TNNI3K: variants seen among roughly 807,000 people sequenced by gnomAD.
TNNI3K encodes the protein serine/threonine-protein kinase TNNI3K.
In TNNI3K, 140 loss-of-function variants were observed where a neutral mutation model predicts 114.5. That is an observed-to-expected ratio of 1.22 (90% CI 1.07 to 1.41). The LOEUF (loss-of-function observed/expected upper bound fraction) is 1.41, where lower values mean the gene tolerates loss of function less well. TNNI3K is among the 40% of genes most tolerant of loss of function. The pLI is 0.00. For synonymous variants in TNNI3K, 347 were observed against 347.5 expected (o/e 1.00, Z 0.02); for missense variants, 1,125 against 1,007.6 (o/e 1.12, Z -1.58).
chr1:74,290,073 T>G (rs1657584730), intron 5 of TNNI3K, among the ~76,000 whole-genome samples: 1 of 151,814 alleles, frequency 6.6e-6, no homozygotes. Flanking sequence ...AAACCTCCTG[T>G]GAATGAGGCA....
At chr1:74,394,171 C>T (rs1346795088) in intron 17 of TNNI3K, among the ~76,000 whole-genome samples, 2 of 152,102 alleles carry the variant, frequency 1.3e-5, no homozygotes, top group African/African-American at 2.4e-5. Context: ...ATGGGAAAAC[C>T]TCCTCTTATG....
chr1:74,274,906 T>C (rs1656580258), intron 5 of TNNI3K, among the ~76,000 whole-genome samples: 1 of 152,140 alleles, frequency 6.6e-6, no homozygotes, highest in Non-Finnish European at 1.5e-5. Context: ...ATATCTTATG[T>C]AATTTATTGA....
chr1:74,287,968 CAAG>C (rs1414646197), intron 5 of TNNI3K, among the ~76,000 whole-genome samples: 1 of 151,688 alleles, frequency 6.6e-6, no homozygotes, highest in African/African-American at 2.4e-5. Flanking sequence ...TACAAATCGC[CAAG>C]AAGTATATGA....
chr1:74,378,447 A>T (rs1663016594), intron 17 of TNNI3K, among the ~76,000 whole-genome samples: 1 of 151,306 alleles, frequency 6.6e-6, no homozygotes, highest in African/African-American at 2.4e-5. Flanking sequence ...GATGTTACTC[A>T]GGACCCATCT....
chr1:74,454,712 C>G (rs1293248736), intron 20 of TNNI3K, among the ~76,000 whole-genome samples: 5 of 152,038 alleles, frequency 3.3e-5, no homozygotes, highest in Non-Finnish European at 7.4e-5. Flanking sequence ...ATACTGATTT[C>G]TTTTCTTTTG....
chr1:74,411,174 A>G (rs1664861399), intron 17 of TNNI3K, among the ~76,000 whole-genome samples: 1 of 152,132 alleles, frequency 6.6e-6, no homozygotes. Context: ...GTAGATTTTT[A>G]TATTTGAAGA....
At position 74,501,470 on chromosome 1, in the gene TNNI3K, T is replaced by C. The variant is rs112982833; in HGVS notation, c.2351+9204T>C. Among the ~76,000 whole-genome samples, 221 of 143,982 alleles carry C rather than the reference T, an allele frequency of 1.5e-3. 2 individuals carry two copies. The highest frequency in any genetic ancestry group is 5.3e-3 in the African/African-American group (207 of 39,272). The allele number at this position is 143,982 out of a possible 152,430, so 94.5% of individuals were successfully genotyped here. On this transcript the variant is annotated intron_variant, in intron 23 of 24. Coordinates refer to ENST00000326637, the MANE Select transcript of TNNI3K (RefSeq NM_015978.3). ...ACTTCAACTTGGAGGGTTTTTTTTG[T>C]TTTGTGTTTGTTTGTTTGTTTGTTT... is the stretch of plus-strand genomic sequence containing the variant.
At chr1:74,483,698 TCTGCAAC>T (rs1037273789) in intron 21 of TNNI3K, among the ~76,000 whole-genome samples, 13 of 152,204 alleles carry the variant, frequency 8.5e-5, no homozygotes, top group African/African-American at 2.4e-4. Context: ...TTCTTTTAAT[TCTGCAAC>T]CCAATTGGAG....
intron 21 of TNNI3K, among the ~76,000 whole-genome samples, chr1:74,477,204 C>T (rs977012355): frequency 1.3e-5 from 2 of 152,170 alleles, no homozygotes; most frequent in Admixed American, 6.5e-5. Flanking sequence ...CACTCTTTAA[C>T]TCATATGGGT....
chr1:74,249,705 C>G (rs1654811771), intron 3 of TNNI3K, among the ~76,000 whole-genome samples, 161 bp downstream of exon 3: 1 of 152,198 alleles, frequency 6.6e-6, no homozygotes. Flanking sequence ...CAGTAACTAT[C>G]AGGCAGAATA....
intron 17 of TNNI3K, among the ~76,000 whole-genome samples, chr1:74,415,007 G>A (rs2100620312): frequency 6.6e-6 from 1 of 152,234 alleles, no homozygotes; most frequent in Non-Finnish European, 1.5e-5. Context: ...AAATACAATT[G>A]TCTAGAAGGC....
intron 21 of TNNI3K, chr1:74,470,358 A>G (rs1667863325): frequency 5.0e-6 from 2 of 400,412 alleles, no homozygotes; most frequent in African/African-American, 4.1e-5. Flanking sequence ...TCTTGCTTTC[A>G]TCAAGCATAT....
chr1:74,540,976 G>T (rs1015490409), intron 24 of TNNI3K, among the ~76,000 whole-genome samples: 2 of 152,140 alleles, frequency 1.3e-5, no homozygotes, highest in Non-Finnish European at 2.9e-5. Flanking sequence ...CATCAGCTGC[G>T]ATATCAATGT....
chr1:74,278,665 G>A (rs1656824447), intron 5 of TNNI3K, among the ~76,000 whole-genome samples: 1 of 152,046 alleles, frequency 6.6e-6, no homozygotes, highest in South Asian at 2.1e-4. Context: ...ATGGTTTTTA[G>A]TATAGTTGCA....
intron 20 of TNNI3K, among the ~76,000 whole-genome samples, chr1:74,456,626 T>C (rs1210584626): frequency 6.6e-6 from 1 of 152,184 alleles, no homozygotes; most frequent in Admixed American, 6.5e-5. Flanking sequence ...TTTCAAATTA[T>C]AGTCTGGGCC....
At chr1:74,455,223 A>G (rs537741838) in intron 20 of TNNI3K, among the ~76,000 whole-genome samples, 18 of 152,314 alleles carry the variant, frequency 1.2e-4, no homozygotes, top group African/African-American at 4.3e-4. Flanking sequence ...GATATCAGGG[A>G]AGGATTCTTA....
At chr1:74,475,493 C>G in intron 21 of TNNI3K, 1 of 716,908 alleles carries the variant, frequency 1.4e-6, no homozygotes, top group Non-Finnish European at 2.6e-6. Flanking sequence ...CTGCCTACCC[C>G]ACGGTCTTTC....
chr1:74,536,709 A>G (rs572545671), intron 23 of TNNI3K, among the ~76,000 whole-genome samples: 3 of 152,306 alleles, frequency 2.0e-5, no homozygotes, highest in East Asian at 3.9e-4. Flanking sequence ...ATATATGGCT[A>G]TCTATGATAT....
chr1:74,271,611 T>C lies in TNNI3K; in HGVS notation c.347T>C (p.Leu116Ser). 1 of 1,604,702 alleles carries C rather than the reference T, an allele frequency of 6.2e-7. No homozygotes were observed. The highest frequency in any genetic ancestry group is 8.5e-7 in the Non-Finnish European group (1 of 1,174,924). ...GTTTCCTTACAGGATAATGCAGAATTGATCACTTCTCTGCTTCACAGTGGA... is the reference window on the plus strand; with the variant it reads ...GTTTCCTTACAGGATAATGCAGAATCGATCACTTCTCTGCTTCACAGTGGA... ...HLAVYKDNAE[L>S]ITSLLHSGAD... The change falls in exon 5 of 25, where the codon TTG becomes TCG. Residue 116 changes from leucine (L) to serine (S), a missense_variant. Leu to Ser is a moderately radical substitution (Grantham distance 145). Transcript: ENST00000326637.
Sources: allele counts gnomAD v4.1 joint callset (sites outside exome capture counted in the v4.1 genomes callset), GRCh38; gene constraint gnomAD v4.1.1; transcripts MANE v1.5; gene names NCBI Gene and HGNC (gene_info 2026-07-23, HGNC 2026-07-21).